Variants in RORA observed in about 807,000 individuals in gnomAD.
RORA encodes the protein RAR related orphan receptor A, also known as nuclear receptor ROR-alpha.
Under a neutral mutation model 69.5 loss-of-function variants are expected in RORA, and 7 were observed. The ratio of observed to expected loss-of-function variants is 0.10; its 90% CI spans 0.06 to 0.19. RORA has a LOEUF of 0.19. RORA is among the 10% of genes least tolerant of loss of function. The probability of loss-of-function intolerance (pLI) is 1.00; values close to 1 mark genes in which losing one functional copy is unlikely to be tolerated. For missense variants in RORA, 457 were observed against 663.0 expected (o/e 0.69, Z 3.41); for synonymous variants, 261 against 240.8 (o/e 1.08, Z -0.78).
chr15:60,901,573 TAAC>T (rs1891395045), intron 1 of RORA, among the ~76,000 whole-genome samples: 1 of 152,238 alleles, frequency 6.6e-6, no homozygotes, highest in Non-Finnish European at 1.5e-5. Context: ...CCAAATAACT[TAAC>T]AAGTATTTAT....
intron 1 of RORA, among the ~76,000 whole-genome samples, chr15:60,828,199 G>A (rs1186719463): frequency 1.3e-5 from 2 of 152,178 alleles, no homozygotes; most frequent in African/African-American, 4.8e-5. Flanking sequence ...AGGGAGTGCT[G>A]CTGGTGGGAA....
intron 2 of RORA, among the ~76,000 whole-genome samples, chr15:60,663,068 C>T (rs748044220): frequency 6.6e-6 from 1 of 152,196 alleles, no homozygotes; most frequent in African/African-American, 2.4e-5. Flanking sequence ...GGGCCACCCC[C>T]ACTCTGATCT....
intron 1 of RORA, among the ~76,000 whole-genome samples, chr15:60,696,841 C>A (rs1380815545): frequency 6.6e-6 from 1 of 151,984 alleles, no homozygotes; most frequent in Non-Finnish European, 1.5e-5. Context: ...TGAGGTGAGG[C>A]CAGAGCAAAG....
chr15:60,595,334 G>C (rs1015544465), intron 2 of RORA, among the ~76,000 whole-genome samples: 2 of 152,044 alleles, frequency 1.3e-5, no homozygotes, highest in Non-Finnish European at 2.9e-5. Context: ...GCAACATGGT[G>C]AAACCCCATC....
At chr15:61,058,942 T>C (rs1183340452) in intron 1 of RORA, among the ~76,000 whole-genome samples, 2 of 152,174 alleles carry the variant, frequency 1.3e-5, no homozygotes, top group African/African-American at 4.8e-5. Context: ...ATCTGTAAAA[T>C]ATGGTGAATT....
chr15:61,132,632 A>G (rs935303129), intron 1 of RORA, among the ~76,000 whole-genome samples: 2 of 152,238 alleles, frequency 1.3e-5, no homozygotes, highest in East Asian at 3.8e-4. Context: ...TTTGTTCTTT[A>G]GCAATTATAA....
intron 1 of RORA, among the ~76,000 whole-genome samples, chr15:60,804,845 A>T (rs1242708618): frequency 6.6e-6 from 1 of 152,248 alleles, no homozygotes; most frequent in African/African-American, 2.4e-5. Context: ...CTGTGATAAT[A>T]GCTCTTAAAT....
intron 1 of RORA, among the ~76,000 whole-genome samples, chr15:60,691,364 A>T (rs774894100): frequency 2.8e-4 from 42 of 152,206 alleles, no homozygotes; most frequent in South Asian, 4.1e-4. Context: ...TGAAGCAGGG[A>T]CTTCCCATCC....
chr15:60,920,158 G>C (rs751005372), intron 1 of RORA, among the ~76,000 whole-genome samples: 2 of 152,176 alleles, frequency 1.3e-5, no homozygotes, highest in Admixed American at 6.5e-5. Context: ...AGGCAGAAAA[G>C]AAAGCTTCCG....
chr15:60,763,863 C>G (rs549028967), intron 1 of RORA: 1 of 152,220 alleles, frequency 6.6e-6, no homozygotes, highest in Non-Finnish European at 1.5e-5. Flanking sequence ...TCTCCCCCGC[C>G]GCCCCCCTCC....
rs571781265 is a variant in RORA at position 61,052,976 on chromosome 15, T to G, written c.166+176077A>C. ...GCTTTGGGACTAAATTGTAGCACAG[T>G]ATAAGTAAAGTATCCTAAGGGGAAA... On this transcript the variant is annotated intron_variant, in intron 1 of 10. Transcript: ENST00000335670. 2.0e-5 allele frequency among the ~76,000 whole-genome samples: 3 copies of G among 152,338 alleles called. No individual in the cohort carries two copies. In the South Asian group the frequency reaches 6.2e-4, roughly 32 times the overall value.
chr15:61,153,044 A>T (rs2079411171), intron 1 of RORA, among the ~76,000 whole-genome samples: 1 of 152,122 alleles, frequency 6.6e-6, no homozygotes, highest in Admixed American at 6.5e-5. Flanking sequence ...GTACCAGGTC[A>T]ACTAAGGGGG....
intron 1 of RORA, among the ~76,000 whole-genome samples, chr15:60,894,724 G>C (rs577742223): frequency 6.6e-6 from 1 of 152,308 alleles, no homozygotes; most frequent in South Asian, 2.1e-4. Flanking sequence ...TTTCTAGCCC[G>C]TTCCCAGGAG....
intron 1 of RORA, among the ~76,000 whole-genome samples, chr15:60,969,999 C>T (rs548317437): frequency 2.6e-5 from 4 of 152,282 alleles, no homozygotes; most frequent in Admixed American, 6.5e-5. Context: ...CACTCTTGCA[C>T]GCGCACTCTC....
chr15:60,892,189 T>C (rs942630455), intron 1 of RORA, among the ~76,000 whole-genome samples: 3 of 152,186 alleles, frequency 2.0e-5, no homozygotes, highest in African/African-American at 7.2e-5. Flanking sequence ...ATGAGGAACC[T>C]GAGGCTGAAA....
intron 3 of RORA, among the ~76,000 whole-genome samples, chr15:60,514,981 C>A (rs140029753): frequency 1.3e-5 from 2 of 152,326 alleles, no homozygotes; most frequent in Non-Finnish European, 2.9e-5. Context: ...GCAAAACTTT[C>A]TTTAACTTCA....
At chr15:61,110,808 C>G (rs2078999519) in intron 1 of RORA, among the ~76,000 whole-genome samples, 1 of 152,188 alleles carries the variant, frequency 6.6e-6, no homozygotes, top group South Asian at 2.1e-4. Context: ...ACTAACCTTC[C>G]CTGAGCTCCT....
At chr15:61,211,730 T>A (rs377479171) in intron 1 of RORA, among the ~76,000 whole-genome samples, 1 of 152,186 alleles carries the variant, frequency 6.6e-6, no homozygotes, top group Non-Finnish European at 1.5e-5. Flanking sequence ...GCCACACTAC[T>A]TGAGTTGAAG....
chr15:60,817,119 C>A (rs2414681), intron 1 of RORA, among the ~76,000 whole-genome samples: 61,865 of 152,020 alleles, frequency 0.41, 14,078 homozygotes, highest in East Asian at 0.52. Context: ...CTTATCATTT[C>A]TTTGCAGTGA....
Sources: allele counts gnomAD v4.1 joint callset (sites outside exome capture counted in the v4.1 genomes callset), GRCh38; gene constraint gnomAD v4.1.1; transcripts MANE v1.5; gene names NCBI Gene and HGNC (gene_info 2026-07-23, HGNC 2026-07-21).